The following ATG5 variants were observed in gnomAD, a reference collection of about 807,000 sequenced individuals.
The protein encoded by ATG5 is autophagy related 5.
A neutral mutation model predicts 36.5 loss-of-function variants in ATG5; 14 were observed. The observed-to-expected ratio is 0.38, with a 90% CI of 0.25 to 0.60. The LOEUF is 0.60. Among genes scored for constraint, ATG5 ranks in the 20% least tolerant of loss-of-function variants. The pLI is 0.60. For synonymous variants in ATG5, 95 were observed against 101.5 expected (o/e 0.94, Z 0.38); for missense variants, 195 against 326.7 (o/e 0.60, Z 3.11).
intron 1 of ATG5, among the ~76,000 whole-genome samples, chr6:106,318,334 C>T (rs1202719426): frequency 6.6e-6 from 1 of 152,148 alleles, no homozygotes; most frequent in Admixed American, 6.5e-5. Flanking sequence ...CCCTGACCAT[C>T]CTGCTCTTTC....
intron 6 of ATG5, among the ~76,000 whole-genome samples, chr6:106,242,896 CAACATCGCTAAA>C (rs2114498411): frequency 6.6e-6 from 1 of 152,280 alleles, no homozygotes; most frequent in Admixed American, 6.5e-5. Context: ...AATTTCTTAT[CAACATCGCTAAA>C]ACCCTGGAGG....
intron 6 of ATG5, among the ~76,000 whole-genome samples, chr6:106,210,753 T>C (rs1361014431): frequency 2.0e-5 from 3 of 152,222 alleles, no homozygotes; most frequent in Non-Finnish European, 4.4e-5. Context: ...AATTGTATCA[T>C]CTATAAAATG....
At chr6:106,230,717 A>G (rs1777649378) in intron 6 of ATG5, among the ~76,000 whole-genome samples, 1 of 151,986 alleles carries the variant, frequency 6.6e-6, no homozygotes, top group Non-Finnish European at 1.5e-5. Flanking sequence ...GAGAATTGGG[A>G]CCAATTTGAC....
intron 6 of ATG5, among the ~76,000 whole-genome samples, chr6:106,244,886 T>C (rs574144206): frequency 2.6e-5 from 4 of 152,352 alleles, no homozygotes; most frequent in South Asian, 2.1e-4. Flanking sequence ...AAAACAGATA[T>C]GATGTGCTTA....
intron 5 of ATG5, among the ~76,000 whole-genome samples, chr6:106,257,902 A>G (rs1778860426): frequency 1.3e-5 from 2 of 152,248 alleles, no homozygotes; most frequent in African/African-American, 4.8e-5. Context: ...GGACCTGTGT[A>G]GAGTGAAATC....
chr6:106,247,560 G>A (rs1420987395), intron 6 of ATG5, among the ~76,000 whole-genome samples: 1 of 152,158 alleles, frequency 6.6e-6, no homozygotes, highest in Admixed American at 6.5e-5. Flanking sequence ...CATCGCTCCT[G>A]GGGGAATACA....
At chr6:106,271,180 T>C (rs1779438189) in intron 5 of ATG5, among the ~76,000 whole-genome samples, 2 of 152,158 alleles carry the variant, frequency 1.3e-5, no homozygotes, top group Admixed American at 1.3e-4. Flanking sequence ...TCCAAACTCA[T>C]CTCGGGCCAC....
At chr6:106,201,092 A>G (rs1776410617) in intron 7 of ATG5, among the ~76,000 whole-genome samples, 1 of 152,252 alleles carries the variant, frequency 6.6e-6, no homozygotes, top group Non-Finnish European at 1.5e-5. Context: ...AAATACTTAT[A>G]CTGTATTCTT....
At chr6:106,310,897 C>T (rs17066757) in intron 2 of ATG5, among the ~76,000 whole-genome samples, 3,753 of 152,276 alleles carry the variant, frequency 0.025, 65 homozygotes, top group African/African-American at 0.049. Flanking sequence ...TTTGGAAATA[C>T]TGTCAGCTAC....
At chr6:106,274,378 GA>G (rs1454298879) in intron 5 of ATG5, among the ~76,000 whole-genome samples, 6 of 152,084 alleles carry the variant, frequency 3.9e-5, no homozygotes, top group African/African-American at 1.4e-4. Context: ...TGTCCTAAAT[GA>G]GTTTTCTTGG....
intron 5 of ATG5, among the ~76,000 whole-genome samples, chr6:106,258,631 G>A (rs1168042156): frequency 6.6e-6 from 1 of 152,108 alleles, no homozygotes; most frequent in African/African-American, 2.4e-5. Flanking sequence ...ACATGCCCAG[G>A]GTCATCAGGC....
chr6:106,286,141 A>C (rs1295251467), intron 4 of ATG5, among the ~76,000 whole-genome samples: 1 of 152,168 alleles, frequency 6.6e-6, no homozygotes, highest in African/African-American at 2.4e-5. Context: ...CCCAGGGAGA[A>C]CATACACGTA....
In ATG5 at chr6:106,184,593, C is replaced by T. The variant is rs1388776037; in HGVS notation, c.*1947G>A. 1.3e-5 allele frequency: 2 copies of T among 152,230 alleles called. No individual in the cohort carries two copies. Among genetic ancestry groups the T allele is most frequent in the Non-Finnish European group, 2.9e-5 (2 of 67,986 alleles). 9.4% of individuals were successfully genotyped at this position (152,230 alleles called of 1,614,324 possible). On this transcript the variant is annotated 3_prime_UTR_variant, in exon 8 of 8. Transcript: ENST00000369076. ...TACTCTTCCTCTAGGGCATTGTAGGCTTGACTTACCTGGGATTAGAGTAAT... is the reference window on the plus strand; with the variant it reads ...TACTCTTCCTCTAGGGCATTGTAGGTTTGACTTACCTGGGATTAGAGTAAT...
chr6:106,290,595 G>A (rs1780266878), intron 4 of ATG5, among the ~76,000 whole-genome samples: 1 of 152,160 alleles, frequency 6.6e-6, no homozygotes, highest in Non-Finnish European at 1.5e-5. Context: ...AGGACTGCAG[G>A]TGTGAGGTAT....
intron 3 of ATG5, among the ~76,000 whole-genome samples, chr6:106,307,257 A>G (rs1770482485): frequency 6.6e-6 from 1 of 152,196 alleles, no homozygotes; most frequent in Non-Finnish European, 1.5e-5. Context: ...CGATTCAGAG[A>G]GCAAGTCCAT....
intron 5 of ATG5, among the ~76,000 whole-genome samples, chr6:106,263,579 G>T (rs1238555700): frequency 6.6e-6 from 1 of 152,158 alleles, no homozygotes; most frequent in Non-Finnish European, 1.5e-5. Flanking sequence ...TCCCAACAGG[G>T]GTCAGCAGAC....
intron 4 of ATG5, among the ~76,000 whole-genome samples, chr6:106,288,940 G>T (rs918145337): frequency 6.6e-6 from 1 of 152,110 alleles, no homozygotes. Context: ...CCAAATGTGT[G>T]TGTGTGTGTG....
intron 2 of ATG5, among the ~76,000 whole-genome samples, chr6:106,310,098 C>A (rs1313007761): frequency 6.6e-6 from 1 of 152,118 alleles, no homozygotes; most frequent in Non-Finnish European, 1.5e-5. Context: ...ACTATAACCT[C>A]AATTAAGACA....
chr6:106,186,758 A>C, intron 7 of ATG5, 82 bp from the exon 8 acceptor site: 1 of 1,469,992 alleles, frequency 6.8e-7, no homozygotes, highest in Non-Finnish European at 9.3e-7. Flanking sequence ...GAGAATCCTT[A>C]GTGCATTAAA....
Sources: allele counts gnomAD v4.1 joint callset (sites outside exome capture counted in the v4.1 genomes callset), GRCh38; gene constraint gnomAD v4.1.1; transcripts MANE v1.5; gene names NCBI Gene and HGNC (gene_info 2026-07-23, HGNC 2026-07-21).